DLG2: variants seen among roughly 807,000 people sequenced by gnomAD.
The protein encoded by DLG2 is disks large homolog 2.
A neutral mutation model predicts 132.5 loss-of-function variants in DLG2; 45 were observed. That is an observed-to-expected ratio of 0.34 (90% CI 0.27 to 0.44). DLG2 has a LOEUF of 0.44. Ranked by LOEUF, DLG2 falls within the 20% of genes least tolerant of loss-of-function variation. DLG2 has a pLI of 1.00. For synonymous variants in DLG2, 424 were observed against 419.6 expected, an observed-to-expected ratio of 1.01 and a Z score of -0.13; for missense variants, 1,045 against 1,196.9, an observed-to-expected ratio of 0.87 and a Z score of 1.87.
chr11:84,681,029 G>GATA (rs2099728153), intron 6 of DLG2, among the ~76,000 whole-genome samples: 1 of 152,152 alleles, frequency 6.6e-6, no homozygotes, highest in Non-Finnish European at 1.5e-5. Flanking sequence ...TGGCCAACAA[G>GATA]ATCCATAAAT....
At chr11:84,325,278 G>C (rs1245663071) in intron 7 of DLG2, among the ~76,000 whole-genome samples, 1 of 151,790 alleles carries the variant, frequency 6.6e-6, no homozygotes, top group Non-Finnish European at 1.5e-5. Flanking sequence ...TTTTTACATA[G>C]GTATACGTGT....
In DLG2 at chr11:84,676,438, A is replaced by G. The variant is rs1411630318; in HGVS notation, c.358-141707T>C. Among the ~76,000 whole-genome samples the G allele has an allele frequency of 2.6e-5, 4 of 152,134 alleles. No individual in the cohort carries two copies. The East Asian group carries it at 7.7e-4, about 29-fold the overall frequency. ...GAAAATTGAAACCCAGAAAGGTTAGATGTCTTTCCAAAGATCATATGGCAC... is the reference window on the plus strand; with the variant it reads ...GAAAATTGAAACCCAGAAAGGTTAGGTGTCTTTCCAAAGATCATATGGCAC... On this transcript the variant is annotated intron_variant, in intron 6 of 27. Coordinates refer to ENST00000376104, the MANE Select transcript of DLG2 (RefSeq NM_001142699.3).
chr11:85,110,560 C>G (rs775148769), intron 6 of DLG2, among the ~76,000 whole-genome samples: 1 of 152,108 alleles, frequency 6.6e-6, no homozygotes, highest in African/African-American at 2.4e-5. Context: ...TGGGCTCCCT[C>G]TGCACTGCAG....
chr11:83,729,218 G>T (rs7945102), intron 18 of DLG2, among the ~76,000 whole-genome samples: 13 of 151,984 alleles, frequency 8.6e-5, no homozygotes, highest in Non-Finnish European at 1.5e-4. Context: ...GGATAATATT[G>T]TAAGTTATTC....
chr11:85,053,941 GA>G (rs2063173538), intron 6 of DLG2, among the ~76,000 whole-genome samples: 1 of 151,656 alleles, frequency 6.6e-6, no homozygotes, highest in Non-Finnish European at 1.5e-5. Flanking sequence ...ACGAACATAT[GA>G]AAAAATTCTC....
intron 15 of DLG2, among the ~76,000 whole-genome samples, chr11:83,876,182 C>G (rs1386170054): frequency 7.2e-5 from 11 of 152,076 alleles, no homozygotes. Flanking sequence ...ACAGGACTTT[C>G]CTCACAGGGT....
Position 83,864,345 on chromosome 11 carries a change from C to T in DLG2, c.1565+10075G>A, listed in dbSNP as rs540364874. 7.9e-5 allele frequency among the ~76,000 whole-genome samples: 12 copies of T among 152,304 alleles called. No homozygotes were observed. In the South Asian group the frequency reaches 2.3e-3, roughly 29 times the overall value. On this transcript the variant is annotated intron_variant, in intron 16 of 27. Transcript: ENST00000376104. Reference sequence around the variant, plus strand: ...GAGTTCTTCAGGGGCAAGGCTTGGGCCTTTTTCTTCTTGATTTTCTCAAAT... The same window carrying T: ...GAGTTCTTCAGGGGCAAGGCTTGGGTCTTTTTCTTCTTGATTTTCTCAAAT...
At chr11:84,288,815 A>G (rs2097945840) in intron 7 of DLG2, among the ~76,000 whole-genome samples, 2 of 152,194 alleles carry the variant, frequency 1.3e-5, no homozygotes, top group South Asian at 4.1e-4. Context: ...GCTTCATTGA[A>G]CTATGTTGAC....
At chr11:83,832,353 C>T (rs2054786649) in intron 17 of DLG2, among the ~76,000 whole-genome samples, 1 of 152,186 alleles carries the variant, frequency 6.6e-6, no homozygotes, top group Non-Finnish European at 1.5e-5. Context: ...TGTGTGCATA[C>T]ATATCTCCAA....
intron 7 of DLG2, among the ~76,000 whole-genome samples, chr11:84,280,418 A>T (rs868643959): frequency 6.6e-6 from 1 of 151,728 alleles, no homozygotes; most frequent in African/African-American, 2.4e-5. Flanking sequence ...ATAGGCGCAC[A>T]CCACCATGCC....
At chr11:83,939,249 C>T (rs1392318955) in intron 14 of DLG2, among the ~76,000 whole-genome samples, 1 of 152,150 alleles carries the variant, frequency 6.6e-6, no homozygotes, top group Non-Finnish European at 1.5e-5. Flanking sequence ...ATTCAGCTCT[C>T]GCTAGCAGAT....
At chr11:83,828,603 T>C (rs1595049216) in intron 17 of DLG2, among the ~76,000 whole-genome samples, 1 of 152,306 alleles carries the variant, frequency 6.6e-6, no homozygotes, top group East Asian at 1.9e-4. Flanking sequence ...AGCAACCTAT[T>C]ACAATCCTGC....
rs554582312 is a variant in DLG2 at position 83,791,677 on chromosome 11, T to A, written c.1723-4885A>T. On this transcript the variant is annotated intron_variant, in intron 17 of 27. Transcript: ENST00000376104. Reference sequence around the variant, plus strand: ...AGCCGGGCGCGGTGGCTCACGCCTGTAATCCGAACACTTTGGGAGTTCGAG... The same window carrying A: ...AGCCGGGCGCGGTGGCTCACGCCTGAAATCCGAACACTTTGGGAGTTCGAG... 2 of 301,018 alleles carry A rather than the reference T, an allele frequency of 6.6e-6. 1 individual carries two copies. The highest frequency in any genetic ancestry group is 6.3e-5 in the South Asian group (2 of 31,690). The allele number at this position is 301,018 out of a possible 1,614,324, so 18.6% of individuals were successfully genotyped here.
chr11:84,434,113 C>T (rs1304671840), intron 7 of DLG2, among the ~76,000 whole-genome samples: 1 of 119,880 alleles, frequency 8.3e-6, no homozygotes, highest in African/African-American at 4.1e-5. Context: ...AGTGAGACTC[C>T]ATCTCAAAAA....
chr11:83,829,394 A>G (rs1316744615), intron 17 of DLG2, among the ~76,000 whole-genome samples: 1 of 151,948 alleles, frequency 6.6e-6, no homozygotes, highest in African/African-American at 2.4e-5. Context: ...ACAGGGTTTC[A>G]CCATGTTGGC....
At position 84,891,815 on chromosome 11, in the gene DLG2, C is replaced by T. The variant is rs935791451; in HGVS notation, c.357+219846G>A. Reference sequence around the variant, plus strand: ...GCTTTGTGCCAGATATGTGAACAGCCCTGTGAATACAGACCTAAAGCAGAG... The same window carrying T: ...GCTTTGTGCCAGATATGTGAACAGCTCTGTGAATACAGACCTAAAGCAGAG... On this transcript the variant is annotated intron_variant, in intron 6 of 27. Coordinates refer to ENST00000376104, the MANE Select transcript of DLG2 (RefSeq NM_001142699.3). 3.3e-5 allele frequency among the ~76,000 whole-genome samples: 5 copies of T among 152,056 alleles called. No homozygotes were observed. In the East Asian group the frequency reaches 9.6e-4, roughly 29 times the overall value.
chr11:83,935,251 A>C (rs1028439507), intron 14 of DLG2, among the ~76,000 whole-genome samples: 1 of 152,206 alleles, frequency 6.6e-6, no homozygotes, highest in African/African-American at 2.4e-5. Flanking sequence ...AGGGTGCCTC[A>C]TGCTCCTCTT....
intron 7 of DLG2, among the ~76,000 whole-genome samples, chr11:84,386,886 T>G (rs989946705): frequency 2.0e-5 from 3 of 152,142 alleles, no homozygotes; most frequent in African/African-American, 7.2e-5. Flanking sequence ...TTCCTAGAGT[T>G]TTTCCTACGC....
intron 3 of DLG2, among the ~76,000 whole-genome samples, chr11:85,350,867 G>T (rs1033236734): frequency 1.3e-5 from 2 of 152,098 alleles, no homozygotes; most frequent in Admixed American, 1.3e-4. Context: ...TGTTCTTTTG[G>T]CTTAGGATTG....
Sources: gnomAD v4.1 joint callset for allele counts (sites outside exome capture counted in the v4.1 genomes callset) on GRCh38, gnomAD v4.1.1 for gene constraint, MANE v1.5 for transcripts, NCBI Gene and HGNC (gene_info 2026-07-23, HGNC 2026-07-21) for gene names.